The following CALN1 variants were observed in gnomAD, a reference collection of about 807,000 sequenced individuals.
CALN1 encodes the protein calneuron 1.
A neutral mutation model predicts 30.6 loss-of-function variants in CALN1; 17 were observed. The observed-to-expected ratio is 0.56, with a 90% CI of 0.38 to 0.83. The LOEUF (loss-of-function observed/expected upper bound fraction) is 0.83, where lower values mean the gene tolerates loss of function less well. Among genes scored for constraint, CALN1 ranks in the 40% least tolerant of loss-of-function variants. The pLI is 0.00. For synonymous variants in CALN1, 156 were observed against 131.4 expected, an observed-to-expected ratio of 1.19 and a Z score of -1.28; for missense variants, 291 against 354.9, an observed-to-expected ratio of 0.82 and a Z score of 1.45.
At chr7:72,419,258 G>A (rs1276277655) in intron 1 of CALN1, among the ~76,000 whole-genome samples, 1 of 152,072 alleles carries the variant, frequency 6.6e-6, no homozygotes, top group Non-Finnish European at 1.5e-5. Flanking sequence ...AAAATGGATT[G>A]TGATCACCAC....
At chr7:72,160,570 T>C (rs778257987) in intron 3 of CALN1, among the ~76,000 whole-genome samples, 1 of 152,200 alleles carries the variant, frequency 6.6e-6, no homozygotes, top group Admixed American at 6.5e-5. Flanking sequence ...TGAGCTACCA[T>C]GCCCAGCCAG....
chr7:72,168,809 T>TC (rs975466699), intron 3 of CALN1, among the ~76,000 whole-genome samples: 2 of 144,720 alleles, frequency 1.4e-5, no homozygotes, highest in Non-Finnish European at 3.0e-5. Context: ...ATTATTATTT[T>TC]TTTTTTTTTT....
intron 3 of CALN1, among the ~76,000 whole-genome samples, chr7:72,154,175 A>G (rs1787480691): frequency 6.6e-6 from 1 of 152,060 alleles, no homozygotes; most frequent in Non-Finnish European, 1.5e-5. Flanking sequence ...AAGATAAAAT[A>G]ATGACCTAGG....
intron 5 of CALN1, among the ~76,000 whole-genome samples, chr7:71,938,764 T>C (rs908695598): frequency 6.6e-6 from 1 of 152,012 alleles, no homozygotes; most frequent in Admixed American, 6.6e-5. Flanking sequence ...CACTCCAGCC[T>C]GGGCGATAGA....
In CALN1 at chr7:72,181,096, A is replaced by ACCC. The variant is rs199527098; in HGVS notation, c.245-74805_245-74803dup. ...CTGGGCAACAGAGCGAAACTGCATA[A>ACCC]CCCCCCCCCCCCCCAAAAAAAAAAA... On this transcript the variant is annotated intron_variant, in intron 3 of 6. Transcript: ENST00000395275. Among the ~76,000 whole-genome samples the ACCC allele has an allele frequency of 3.7e-3, 277 of 74,408 alleles. 8 individuals are homozygous for ACCC. Among genetic ancestry groups the ACCC allele is most frequent in the East Asian group, 0.021 (39 of 1,846 alleles). The allele number at this position is 74,408 out of a possible 152,430, so 48.8% of individuals were successfully genotyped here.
In CALN1 at chr7:72,359,152, A is replaced by G. The variant is rs567786546; in HGVS notation, c.119+44099T>C. ...CTAGGAACCCTGCACTAGATCTCATACCCTTTATCTGTGGATTTTACTTTG... is the reference window on the plus strand; with the variant it reads ...CTAGGAACCCTGCACTAGATCTCATGCCCTTTATCTGTGGATTTTACTTTG... On this transcript the variant is annotated intron_variant, in intron 2 of 6. Coordinates refer to ENST00000395275, the MANE Select transcript of CALN1 (RefSeq NM_031468.4). 7.9e-5 allele frequency among the ~76,000 whole-genome samples: 12 copies of G among 151,952 alleles called. No individual in the cohort carries two copies. In the South Asian group the frequency reaches 1.9e-3, roughly 24 times the overall value.
At chr7:71,989,243 G>A (rs1240089444) in intron 5 of CALN1, among the ~76,000 whole-genome samples, 2 of 152,128 alleles carry the variant, frequency 1.3e-5, no homozygotes, top group African/African-American at 2.4e-5. Flanking sequence ...TTCGAGAGGA[G>A]CCTGGCCAAC....
intron 2 of CALN1, among the ~76,000 whole-genome samples, chr7:72,290,079 TAAAAAAAAAAAAAAAAAAAAAAAAAA>T (rs60416266): frequency 0.032 from 1,029 of 32,094 alleles, 29 homozygotes; most frequent in Middle Eastern, 0.13. Flanking sequence ...GACCCTGTCT[TAAAAAAAAAAAAAAAAAAAAAAAAAA>T]AAAAAAAAAA....
intron 1 of CALN1, among the ~76,000 whole-genome samples, chr7:72,409,520 T>C (rs1301493249): frequency 6.8e-6 from 1 of 146,286 alleles, no homozygotes; most frequent in African/African-American, 2.5e-5. Flanking sequence ...CCTCATTATT[T>C]CAGCGTCTGT....
intron 2 of CALN1, among the ~76,000 whole-genome samples, chr7:72,358,448 C>T (rs1057191859): frequency 6.7e-6 from 1 of 150,182 alleles, no homozygotes; most frequent in African/African-American, 2.5e-5. Context: ...GCTCTCCCTT[C>T]CCGCAGAGAG....
chr7:72,461,123 C>T, the CALN1 span, among the ~76,000 whole-genome samples: 1 of 152,128 alleles, frequency 6.6e-6, no homozygotes, highest in Non-Finnish European at 1.5e-5. Context: ...AGATTCAAAG[C>T]ATGAACCGGA....
chr7:72,362,049 T>C (rs962786997), intron 2 of CALN1, among the ~76,000 whole-genome samples: 6 of 152,174 alleles, frequency 3.9e-5, no homozygotes, highest in Admixed American at 2.0e-4. Flanking sequence ...TCTTGGTAAA[T>C]AGCATATATT....
intron 5 of CALN1, among the ~76,000 whole-genome samples, chr7:71,950,603 T>G (rs1474524046): frequency 6.6e-6 from 1 of 151,966 alleles, no homozygotes; most frequent in Non-Finnish European, 1.5e-5. Context: ...AGTAGTCAAG[T>G]CCTTCTTTTG....
At chr7:72,167,114 AAT>A (rs1286879689) in intron 3 of CALN1, among the ~76,000 whole-genome samples, 4 of 152,282 alleles carry the variant, frequency 2.6e-5, no homozygotes, top group Admixed American at 2.0e-4. Flanking sequence ...GAAGAAGTAA[AAT>A]AAGAATTGTT....
intron 2 of CALN1, among the ~76,000 whole-genome samples, chr7:72,397,710 TCTCTCACA>T (rs937147245): frequency 3.5e-5 from 2 of 57,298 alleles, no homozygotes; most frequent in African/African-American, 1.5e-4. Context: ...GCACCCATTC[TCTCTCACA>T]CACACACACA....
At chr7:72,408,675 C>CTTTTTTTTTTTT (rs534883618) in intron 1 of CALN1, among the ~76,000 whole-genome samples, 34 of 77,964 alleles carry the variant, frequency 4.4e-4, no homozygotes, top group Middle Eastern at 0.014. Flanking sequence ...TTATCTTTTC[C>CTTTTTTTTTTTT]TTTTTTTTTT....
At chr7:72,095,288 T>C (rs1271842375) in intron 4 of CALN1, among the ~76,000 whole-genome samples, 1 of 152,162 alleles carries the variant, frequency 6.6e-6, no homozygotes, top group African/African-American at 2.4e-5. Flanking sequence ...TGATGAAAAC[T>C]CTGCATGCAT....
At position 72,390,565 on chromosome 7, in the gene CALN1, C is replaced by T. The variant is rs187663383; in HGVS notation, c.119+12686G>A. ...ACAAATTTGGATGGGAAAGAATATA[C>T]CTTTATTTCCATTATCCTATAAATG... On this transcript the variant is annotated intron_variant, in intron 2 of 6. Transcript: ENST00000395275. 3.3e-5 allele frequency among the ~76,000 whole-genome samples: 5 copies of T among 152,238 alleles called. No individual in the cohort carries two copies. The East Asian group carries it at 9.7e-4, about 29-fold the overall frequency.
At chr7:71,942,013 A>G (rs1436489739) in intron 5 of CALN1, among the ~76,000 whole-genome samples, 1 of 152,164 alleles carries the variant, frequency 6.6e-6, no homozygotes, top group African/African-American at 2.4e-5. Flanking sequence ...AGCCTGGCCA[A>G]CATAGTGAAA....
Sources: allele counts gnomAD v4.1 joint callset (sites outside exome capture counted in the v4.1 genomes callset), GRCh38; gene constraint gnomAD v4.1.1; transcripts MANE v1.5; gene names NCBI Gene and HGNC (gene_info 2026-07-23, HGNC 2026-07-21).